LRRC4C: variants seen among roughly 807,000 people sequenced by gnomAD.
LRRC4C encodes leucine-rich repeat-containing protein 4C.
Under a neutral mutation model 33.6 loss-of-function variants are expected in LRRC4C, and 5 were observed. That is an observed-to-expected ratio of 0.15 (90% CI 0.08 to 0.31). The LOEUF (loss-of-function observed/expected upper bound fraction) is 0.31. Among genes scored for constraint, LRRC4C ranks in the 10% least tolerant of loss-of-function variants. The pLI is 1.00. For synonymous variants in LRRC4C, 329 were observed against 302.0 expected, an observed-to-expected ratio of 1.09 and a Z score of -0.93; for missense variants, 560 against 796.7, an observed-to-expected ratio of 0.70 and a Z score of 3.58.
At chr11:40,390,236 G>A (rs1002697005) in intron 3 of LRRC4C, among the ~76,000 whole-genome samples, 6 of 152,164 alleles carry the variant, frequency 3.9e-5, no homozygotes, top group Admixed American at 2.0e-4. Flanking sequence ...ACTTCTGTCG[G>A]TGTTTAGCTG....
At chr11:40,725,303 G>A (rs1564979991) in intron 2 of LRRC4C, among the ~76,000 whole-genome samples, 1 of 152,054 alleles carries the variant, frequency 6.6e-6, no homozygotes, top group African/African-American at 2.4e-5. Flanking sequence ...TCAGGAGATC[G>A]AGACCATCCT....
chr11:40,378,142 A>C, intron 3 of LRRC4C, among the ~76,000 whole-genome samples: 1 of 152,114 alleles, frequency 6.6e-6, no homozygotes, highest in East Asian at 1.9e-4. Context: ...TCAAACTTTA[A>C]AACTAGACAT....
chr11:40,393,836 A>C (rs1949433018), intron 3 of LRRC4C, among the ~76,000 whole-genome samples: 2 of 152,226 alleles, frequency 1.3e-5, no homozygotes, highest in Admixed American at 6.5e-5. Context: ...ACATTATGAG[A>C]TTTGATTAGG....
chr11:41,403,782 T>C (rs551589116), intron 1 of LRRC4C, among the ~76,000 whole-genome samples: 86 of 152,240 alleles, frequency 5.6e-4, no homozygotes, highest in Non-Finnish European at 1.0e-3. Context: ...AGTGTCACTA[T>C]CACTCACTGT....
chr11:41,235,712 G>A (rs1404513159), intron 1 of LRRC4C, among the ~76,000 whole-genome samples: 1 of 152,044 alleles, frequency 6.6e-6, no homozygotes, highest in African/African-American at 2.4e-5. Context: ...GAAATCTTCG[G>A]TATCACTGGA....
chr11:41,055,358 A>G (rs1858543579), intron 1 of LRRC4C, among the ~76,000 whole-genome samples: 1 of 152,152 alleles, frequency 6.6e-6, no homozygotes, highest in African/African-American at 2.4e-5. Context: ...GGCATTTACA[A>G]ATAAAGCTAT....
At chr11:41,033,728 C>A (rs372635828) in intron 1 of LRRC4C, among the ~76,000 whole-genome samples, 1 of 152,044 alleles carries the variant, frequency 6.6e-6, no homozygotes, top group African/African-American at 2.4e-5. Context: ...CACATCTTAT[C>A]AATCACATTA....
intron 3 of LRRC4C, among the ~76,000 whole-genome samples, chr11:40,619,254 T>C (rs1435202086): frequency 1.3e-5 from 2 of 151,724 alleles, no homozygotes; most frequent in African/African-American, 2.4e-5. Flanking sequence ...AATAACTTTA[T>C]TTTATATTTT....
chr11:40,325,242 T>A (rs1946041134), intron 3 of LRRC4C, among the ~76,000 whole-genome samples: 1 of 152,314 alleles, frequency 6.6e-6, no homozygotes, highest in East Asian at 1.9e-4. Context: ...AATGTTAAAA[T>A]GTGTTCAACT....
chr11:40,950,146 C>T (rs770188856), intron 1 of LRRC4C, among the ~76,000 whole-genome samples: 2 of 152,034 alleles, frequency 1.3e-5, no homozygotes, highest in African/African-American at 2.4e-5. Flanking sequence ...CCACCCACCC[C>T]TCCTCAGAAT....
At chr11:40,772,296 C>T (rs1949791616) in intron 2 of LRRC4C, among the ~76,000 whole-genome samples, 1 of 152,126 alleles carries the variant, frequency 6.6e-6, no homozygotes, top group African/African-American at 2.4e-5. Flanking sequence ...AGAACTCACT[C>T]ACTATCATGA....
Position 41,351,252 on chromosome 11 carries a change from T to TAC in LRRC4C, c.-496+108177_-496+108178dup, listed in dbSNP as rs35682867. 9.1e-3 allele frequency among the ~76,000 whole-genome samples: 1,355 copies of TAC among 149,428 alleles called. 13 individuals carry two copies. The highest frequency in any genetic ancestry group is 0.029 in the African/African-American group (1,180 of 40,558). Reference sequence around the variant, plus strand: ...ACACACACATACACACACACACACATACACACACACACACACACATACATT... The same window carrying TAC: ...ACACACACATACACACACACACACATACACACACACACACACACACATACATT... On this transcript the variant is annotated intron_variant, in intron 1 of 6. Transcript: ENST00000528697.
intron 1 of LRRC4C, among the ~76,000 whole-genome samples, chr11:41,135,083 A>C (rs1431176757): frequency 6.6e-6 from 1 of 152,118 alleles, no homozygotes; most frequent in Non-Finnish European, 1.5e-5. Context: ...CACAGGCCTG[A>C]CTAAAATCAC....
At chr11:41,263,093 A>C (rs1949036335) in intron 1 of LRRC4C, among the ~76,000 whole-genome samples, 1 of 152,144 alleles carries the variant, frequency 6.6e-6, no homozygotes, top group African/African-American at 2.4e-5. Context: ...ATAGATTTTC[A>C]TTCCTTGCCT....
intron 1 of LRRC4C, among the ~76,000 whole-genome samples, chr11:41,059,210 GT>G (rs397935483): frequency 2.4e-5 from 3 of 125,220 alleles, no homozygotes; most frequent in Admixed American, 8.9e-5. Context: ...TAAAATAAAA[GT>G]TTTTTTTTTT....
intron 1 of LRRC4C, among the ~76,000 whole-genome samples, chr11:41,315,522 C>T (rs184928952): frequency 6.6e-6 from 1 of 152,252 alleles, no homozygotes; most frequent in African/African-American, 2.4e-5. Flanking sequence ...ACCATCAACA[C>T]CAACTTGCCA....
chr11:40,969,329 T>G (rs972195808), intron 1 of LRRC4C, among the ~76,000 whole-genome samples: 26 of 152,138 alleles, frequency 1.7e-4, no homozygotes, highest in Non-Finnish European at 4.4e-5. Flanking sequence ...GTACTCCTGG[T>G]GAAGATGCTG....
At chr11:40,678,813 T>C (rs1032051194) in intron 2 of LRRC4C, among the ~76,000 whole-genome samples, 3 of 152,120 alleles carry the variant, frequency 2.0e-5, no homozygotes, top group African/African-American at 4.8e-5. Flanking sequence ...GCCACCAGCA[T>C]GTCTTTATTA....
At chr11:40,476,145 A>G (rs796774359) in intron 3 of LRRC4C, among the ~76,000 whole-genome samples, 33 of 152,034 alleles carry the variant, frequency 2.2e-4, no homozygotes, top group African/African-American at 7.2e-4. Flanking sequence ...TGAGACTGAA[A>G]CCAATATTCT....
Sources: gnomAD v4.1 joint callset for allele counts (sites outside exome capture counted in the v4.1 genomes callset) on GRCh38, gnomAD v4.1.1 for gene constraint, MANE v1.5 for transcripts, NCBI Gene and HGNC (gene_info 2026-07-23, HGNC 2026-07-21) for gene names.